The following SPOCK1 variants were observed in gnomAD, a reference collection of about 807,000 sequenced individuals.
SPOCK1 encodes the protein SPARC (osteonectin), cwcv and kazal like domains proteoglycan 1.
In SPOCK1, 23 loss-of-function variants were observed where a neutral mutation model predicts 55.3. The observed-to-expected ratio is 0.42, with a 90% CI of 0.30 to 0.59. SPOCK1 has a LOEUF of 0.59. Among genes scored for constraint, SPOCK1 ranks in the 20% least tolerant of loss-of-function variants. The pLI, the probability that SPOCK1 is intolerant of heterozygous loss-of-function variation, is 0.22. For synonymous variants in SPOCK1, 226 were observed against 221.0 expected, an observed-to-expected ratio of 1.02 and a Z score of -0.20; for missense variants, 499 against 552.5, an observed-to-expected ratio of 0.90 and a Z score of 0.97.
chr5:137,215,204 C>T (rs1755693584), intron 3 of SPOCK1, among the ~76,000 whole-genome samples: 1 of 152,126 alleles, frequency 6.6e-6, no homozygotes, highest in Non-Finnish European at 1.5e-5. Context: ...ATGTTTTTAC[C>T]TCTATAGAAA....
intron 2 of SPOCK1, among the ~76,000 whole-genome samples, chr5:137,283,620 C>G (rs184115559): frequency 2.0e-4 from 30 of 152,166 alleles, no homozygotes; most frequent in Admixed American, 1.1e-3. Context: ...GAGGATGAGA[C>G]AGGAGAATCA....
At chr5:137,488,394 C>A (rs1754104537) in intron 2 of SPOCK1, among the ~76,000 whole-genome samples, 1 of 152,066 alleles carries the variant, frequency 6.6e-6, no homozygotes, top group East Asian at 1.9e-4. Flanking sequence ...AAAAGAATCA[C>A]CTGGACTGCT....
At chr5:137,370,066 T>C (rs1751165080) in intron 2 of SPOCK1, among the ~76,000 whole-genome samples, 1 of 152,166 alleles carries the variant, frequency 6.6e-6, no homozygotes, top group Non-Finnish European at 1.5e-5. Context: ...CTTATTCTGG[T>C]AGCGAGTGAT....
intron 5 of SPOCK1, among the ~76,000 whole-genome samples, chr5:137,082,651 T>A (rs1329025851): frequency 6.6e-6 from 1 of 152,168 alleles, no homozygotes; most frequent in Non-Finnish European, 1.5e-5. Context: ...TGAGGGTCAA[T>A]CAGCCTTAGA....
At chr5:137,407,231 G>T (rs1331609046) in intron 2 of SPOCK1, among the ~76,000 whole-genome samples, 2 of 152,188 alleles carry the variant, frequency 1.3e-5, no homozygotes, top group Non-Finnish European at 2.9e-5. Flanking sequence ...GCTGTCCGAG[G>T]AGAATGGGCA....
chr5:137,000,150 G>A (rs980096951), intron 6 of SPOCK1, among the ~76,000 whole-genome samples: 5 of 152,172 alleles, frequency 3.3e-5, no homozygotes, highest in African/African-American at 1.2e-4. Flanking sequence ...AGCAAGCTCG[G>A]AGGCCTCTCA....
intron 3 of SPOCK1, among the ~76,000 whole-genome samples, chr5:137,227,455 C>T (rs1364394565): frequency 2.6e-5 from 4 of 152,192 alleles, no homozygotes; most frequent in African/African-American, 9.6e-5. Flanking sequence ...TAAAGTACAT[C>T]ATCATCAGAG....
At chr5:136,980,846 T>G (rs1750715103) in intron 9 of SPOCK1, among the ~76,000 whole-genome samples, 1 of 152,146 alleles carries the variant, frequency 6.6e-6, no homozygotes, top group Non-Finnish European at 1.5e-5. Context: ...AAAATGAGAA[T>G]CTCTTTTTTG....
intron 2 of SPOCK1, among the ~76,000 whole-genome samples, chr5:137,426,647 T>G (rs1048934578): frequency 6.6e-6 from 1 of 152,178 alleles, no homozygotes; most frequent in Non-Finnish European, 1.5e-5. Flanking sequence ...AAACATCATA[T>G]ACCTATAGGC....
At chr5:137,201,668 A>G (rs1755428054) in intron 3 of SPOCK1, among the ~76,000 whole-genome samples, 2 of 152,230 alleles carry the variant, frequency 1.3e-5, no homozygotes, top group South Asian at 4.1e-4. Flanking sequence ...TTGAACAATT[A>G]CAGCAATATA....
chr5:137,071,454 C>A (rs1752614433), intron 5 of SPOCK1, among the ~76,000 whole-genome samples: 1 of 152,058 alleles, frequency 6.6e-6, no homozygotes. Flanking sequence ...CAGACAGGAG[C>A]CCAAGGGAAG....
chr5:137,224,415 A>T lies in SPOCK1; in HGVS notation c.232+42595T>A, dbSNP rs1405199960. On this transcript the variant is annotated intron_variant, in intron 3 of 10. Coordinates refer to ENST00000394945, the MANE Select transcript of SPOCK1 (RefSeq NM_004598.4). ...AGTAAGTGACATGCTTTCAAGGTAC[A>T]GACTCCAAAGTTGGGGTCCATAAGG... Among the ~76,000 whole-genome samples the T allele has an allele frequency of 2.6e-5, 4 of 152,230 alleles. No individual in the cohort carries two copies. The East Asian group carries it at 7.7e-4, about 29-fold the overall frequency.
intron 6 of SPOCK1, among the ~76,000 whole-genome samples, chr5:137,040,387 G>A (rs1751972464): frequency 6.6e-6 from 1 of 152,200 alleles, no homozygotes; most frequent in Non-Finnish European, 1.5e-5. Context: ...TCATCACAAA[G>A]CATGCATAGG....
chr5:136,998,992 T>C (rs1751099176), intron 6 of SPOCK1, among the ~76,000 whole-genome samples: 1 of 152,180 alleles, frequency 6.6e-6, no homozygotes, highest in Non-Finnish European at 1.5e-5. Flanking sequence ...TCAGTCTCCA[T>C]GGAAAGTACA....
chr5:137,279,100 C>G (rs1228142388), intron 2 of SPOCK1, among the ~76,000 whole-genome samples: 1 of 152,110 alleles, frequency 6.6e-6, no homozygotes, highest in Non-Finnish European at 1.5e-5. Flanking sequence ...CAGATCTAAC[C>G]TATAAGCACT....
chr5:137,278,821 C>T (rs754518268), intron 2 of SPOCK1, among the ~76,000 whole-genome samples: 6 of 152,154 alleles, frequency 3.9e-5, no homozygotes, highest in African/African-American at 9.7e-5. Flanking sequence ...GTGGACAAGA[C>T]GGATGGTCCA....
chr5:137,356,822 TATATA>T (rs1344386929), intron 2 of SPOCK1, among the ~76,000 whole-genome samples: 1 of 23,246 alleles, frequency 4.3e-5, no homozygotes, highest in Non-Finnish European at 7.7e-5. Context: ...TATATATATA[TATATA>T]TATATATATA....
At chr5:137,142,844 AGTGCACTGC>A (rs1346591329) in intron 3 of SPOCK1, among the ~76,000 whole-genome samples, 3 of 152,212 alleles carry the variant, frequency 2.0e-5, no homozygotes, top group African/African-American at 7.2e-5. Flanking sequence ...GTCTCAGCCC[AGTGCACTGC>A]CGCCCACGCC....
intron 3 of SPOCK1, among the ~76,000 whole-genome samples, chr5:137,187,741 A>G (rs892662534): frequency 4.6e-5 from 7 of 152,164 alleles, no homozygotes; most frequent in Admixed American, 4.6e-4. Flanking sequence ...CAATATGTTA[A>G]TAGGAGAAAT....
Sources: allele counts gnomAD v4.1 joint callset (sites outside exome capture counted in the v4.1 genomes callset), GRCh38; gene constraint gnomAD v4.1.1; transcripts MANE v1.5; gene names NCBI Gene and HGNC (gene_info 2026-07-23, HGNC 2026-07-21).